ELF2: variants seen among roughly 807,000 people sequenced by gnomAD.
ELF2 encodes the protein ETS-related transcription factor Elf-2.
In ELF2, 11 loss-of-function variants were observed where a neutral mutation model predicts 54.8. The observed-to-expected ratio is 0.20, with a 90% CI of 0.13 to 0.33. ELF2 has a LOEUF of 0.33. ELF2 is among the 10% of genes least tolerant of loss of function. The pLI, the probability that ELF2 is intolerant of heterozygous loss-of-function variation, is 1.00. For synonymous variants in ELF2, 203 were observed against 245.1 expected, an observed-to-expected ratio of 0.83 and a Z score of 1.61; for missense variants, 513 against 703.0, an observed-to-expected ratio of 0.73 and a Z score of 3.06.
At chr4:139,166,675 T>C (rs1475535933) in intron 1 of ELF2, among the ~76,000 whole-genome samples, 1 of 152,144 alleles carries the variant, frequency 6.6e-6, no homozygotes, top group Non-Finnish European at 1.5e-5. Context: ...GAGACCATCC[T>C]GGCTAACATA....
intron 4 of ELF2, chr4:139,115,523 T>C: frequency 4.9e-6 from 2 of 409,574 alleles, no homozygotes; most frequent in Non-Finnish European, 6.6e-6. Flanking sequence ...CCCCCGGGCC[T>C]GGCCTGGCCG....
At chr4:139,176,377 G>A (rs1742919601) in intron 1 of ELF2, among the ~76,000 whole-genome samples, 1 of 137,288 alleles carries the variant, frequency 7.3e-6, no homozygotes, top group Non-Finnish European at 1.5e-5. Context: ...GCACGACAGG[G>A]AAGGAAACTG....
chr4:139,086,256 T>C lies in ELF2; in HGVS notation c.239-12689A>G, dbSNP rs145055884. On this transcript the variant is annotated intron_variant, in intron 4 of 9. Transcript: ENST00000686138. ...TTCTCATACAACTAAACAATGAAATTCAAAGTTGGTACCTTGAGCATGTTT... is the reference window on the plus strand; with the variant it reads ...TTCTCATACAACTAAACAATGAAATCCAAAGTTGGTACCTTGAGCATGTTT... Among the ~76,000 whole-genome samples the C allele has an allele frequency of 4.0e-3, 615 of 152,008 alleles. 4 individuals carry two copies. The highest frequency in any genetic ancestry group is 0.014 in the Middle Eastern group (4 of 294).
At chr4:139,093,586 A>G (rs1732911818) in intron 4 of ELF2, among the ~76,000 whole-genome samples, 1 of 152,212 alleles carries the variant, frequency 6.6e-6, no homozygotes, top group Non-Finnish European at 1.5e-5. Context: ...AATGATGAGT[A>G]ACATTTATCC....
At chr4:139,162,787 G>A (rs1417967045) in intron 1 of ELF2, among the ~76,000 whole-genome samples, 10 of 151,996 alleles carry the variant, frequency 6.6e-5, no homozygotes, top group South Asian at 2.1e-4. Context: ...ATTATGTTAC[G>A]GAGAATGTTT....
chr4:139,084,305 T>TCACGCACTCG (rs745796250), intron 4 of ELF2: 54 of 1,559,506 alleles, frequency 3.5e-5, no homozygotes, highest in Middle Eastern at 1.7e-4. Context: ...CGACACACAC[T>TCACGCACTCG]CACGCACTCG....
intron 7 of ELF2, among the ~76,000 whole-genome samples, chr4:139,063,273 A>G (rs893377015): frequency 5.3e-5 from 8 of 152,168 alleles, no homozygotes; most frequent in African/African-American, 1.9e-4. Flanking sequence ...AAAAGAAAGA[A>G]AAAAGAACAT....
chr4:139,115,003 G>A (rs995378926), intron 4 of ELF2: 7 of 1,613,698 alleles, frequency 4.3e-6, no homozygotes, highest in Non-Finnish European at 5.9e-6. Context: ...GAAGGCCTCT[G>A]TGGGTTTGTA....
chr4:139,077,450 AT>A (rs1368070785), intron 4 of ELF2, among the ~76,000 whole-genome samples: 1 of 152,200 alleles, frequency 6.6e-6, no homozygotes, highest in African/African-American at 2.4e-5. Flanking sequence ...TTATCTCATC[AT>A]TTTTATTTAC....
intron 4 of ELF2, among the ~76,000 whole-genome samples, chr4:139,098,614 G>A (rs1733539082): frequency 6.6e-6 from 1 of 151,822 alleles, no homozygotes; most frequent in Non-Finnish European, 1.5e-5. Flanking sequence ...GACTACAGGC[G>A]CCTGCCACCG....
intron 9 of ELF2, 81 bp downstream of exon 9, chr4:139,060,243 A>T: frequency 7.8e-7 from 1 of 1,283,154 alleles, no homozygotes; most frequent in Non-Finnish European, 1.1e-6. Context: ...CACTAATATT[A>T]AGCAAAAGGA....
chr4:139,127,889 C>T (rs937805247), intron 3 of ELF2, among the ~76,000 whole-genome samples: 5 of 150,924 alleles, frequency 3.3e-5, no homozygotes, highest in Admixed American at 6.6e-5. Context: ...TGCTTGAACC[C>T]GGGAGGCAAA....
In ELF2 at chr4:139,137,851, A is replaced by G. The variant is rs1190965427; in HGVS notation, c.-150T>C. 4 of 1,329,716 alleles carry G rather than the reference A, an allele frequency of 3.0e-6. No individual in the cohort carries two copies. The highest frequency in any genetic ancestry group is 3.8e-6 in the Non-Finnish European group (4 of 1,040,242). The allele number at this position is 1,329,716 out of a possible 1,614,324, so 82.4% of individuals were successfully genotyped here. On this transcript the variant is annotated 5_prime_UTR_variant, in exon 3 of 10. Transcript: ENST00000686138. ...TATCCAGAAATCCAGTCTTCTAAAG[A>G]TGATTAACCAGAAAGCCTAAAAAGA...
chr4:139,060,165 C>A (rs1447910420), intron 9 of ELF2, among the ~76,000 whole-genome samples, 159 bp downstream of exon 9: 1 of 152,074 alleles, frequency 6.6e-6, no homozygotes, highest in Admixed American at 6.5e-5. Flanking sequence ...TCTACTTTAA[C>A]AACAATAAAA....
chr4:139,121,367 G>C lies in ELF2; in HGVS notation c.238+3797C>G, dbSNP rs531149142. ...TCGTGATTCACCCGCCTTGGCCTCC[G>C]AAAGTGCTGGGATTACAGGTGTGAA... is the stretch of plus-strand genomic sequence containing the variant. On this transcript the variant is annotated intron_variant, in intron 4 of 9. Coordinates refer to ENST00000686138, the MANE Select transcript of ELF2 (RefSeq NM_001331036.3). 9.5e-4 allele frequency among the ~76,000 whole-genome samples: 145 copies of C among 151,846 alleles called. No homozygotes were observed. The South Asian group carries it at 0.017, about 18-fold the overall frequency.
At chr4:139,148,312 G>A (rs1437470098) in intron 1 of ELF2, among the ~76,000 whole-genome samples, 1 of 134,820 alleles carries the variant, frequency 7.4e-6, no homozygotes, top group African/African-American at 2.7e-5. Context: ...GTCATACCTG[G>A]CTAATTTTTT....
At chr4:139,165,707 T>C (rs1741646739) in intron 1 of ELF2, among the ~76,000 whole-genome samples, 1 of 152,048 alleles carries the variant, frequency 6.6e-6, no homozygotes, top group Admixed American at 6.6e-5. Context: ...TCAAACTAAC[T>C]TTAGGATGTT....
At chr4:139,138,009 A>C in intron 2 of ELF2, 142 bp from the exon 3 acceptor site, 1 of 529,152 alleles carries the variant, frequency 1.9e-6, no homozygotes, top group Non-Finnish European at 3.0e-6. Flanking sequence ...AAAAGAGGGC[A>C]GTAATGAACA....
chr4:139,094,810 GATTT>G (rs1291505962), intron 4 of ELF2, among the ~76,000 whole-genome samples: 10 of 152,046 alleles, frequency 6.6e-5, no homozygotes, highest in African/African-American at 1.4e-4. Flanking sequence ...TCTAATTTTA[GATTT>G]ATTTATTTAT....
Sources: gnomAD v4.1 joint callset for allele counts (sites outside exome capture counted in the v4.1 genomes callset) on GRCh38, gnomAD v4.1.1 for gene constraint, MANE v1.5 for transcripts, NCBI Gene and HGNC (gene_info 2026-07-23, HGNC 2026-07-21) for gene names.